The following ITGA5 variants were observed in gnomAD, a reference collection of about 807,000 sequenced individuals.
The protein encoded by ITGA5 is integrin subunit alpha 5, also known as integrin alpha-5.
ITGA5 carries 55 observed loss-of-function variants against 146.3 expected under a neutral mutation model. The ratio of observed to expected loss-of-function variants is 0.38; its 90% CI spans 0.30 to 0.47. The LOEUF is 0.47. ITGA5 is among the 20% of genes least tolerant of loss of function. The pLI is 0.99. For missense variants in ITGA5, 1,131 were observed against 1,329.0 expected (o/e 0.85, Z 2.32); for synonymous variants, 500 against 531.8 (o/e 0.94, Z 0.82).
chr12:54,404,068 C>T, intron 15 of ITGA5, 77 bp downstream of exon 15: 1 of 1,564,404 alleles, frequency 6.4e-7, no homozygotes, highest in East Asian at 2.3e-5. Flanking sequence ...CCACCATTTT[C>T]CCCTTTTTAA....
chr12:54,409,299 G>T lies in ITGA5; in HGVS notation c.516C>A (p.Pro172=). The T allele has an allele frequency of 6.2e-7, 1 of 1,613,968 alleles. No individual in the cohort carries two copies. The highest frequency in any genetic ancestry group is 1.1e-5 in the South Asian group (1 of 91,062). The change falls in exon 4 of 30, where the codon CCC becomes CCA. Residue 172 remains proline (P), a synonymous_variant. Transcript: ENST00000293379. This position sits in a 1 kb window ranked among gnomAD's most constrained non-coding sequence, Gnocchi z 4.7. The part of the protein sequence containing the change: ...WRTEKEPLSD[P]VGTCYLSTDN... ...CTGTGGAGAGGTAGCAGGTGCCCACGGGGTCGCTCAGTGGCTCCTTCTCTG... is the reference window on the plus strand; with the variant it reads ...CTGTGGAGAGGTAGCAGGTGCCCACTGGGTCGCTCAGTGGCTCCTTCTCTG...
chr12:54,409,581 CT>C lies in ITGA5; in HGVS notation c.365del (p.Glu122GlyfsTer48). The C allele has an allele frequency of 6.2e-7, 1 of 1,612,742 alleles. No homozygotes were observed. The highest frequency in any genetic ancestry group is 1.1e-5 in the South Asian group (1 of 91,072). On this transcript the variant is annotated frameshift_variant, in exon 3 of 30. Coordinates refer to ENST00000293379, the MANE Select transcript of ITGA5 (RefSeq NM_002205.5). LOFTEE classifies it high-confidence loss of function. This position sits in a 1 kb window ranked among gnomAD's most constrained non-coding sequence, Gnocchi z 4.7. ...CTCCCTCTGAGCTGGACAGTGAGGA[CT>C]CCAGGAGCCGAGAGCCTTGTGGAAG... ...EFDSKGSRLL[E>X]SSLSSSEGEE...
At chr12:54,400,615 G>C (rs1955773537) in intron 25 of ITGA5, 1 of 499,956 alleles carries the variant, frequency 2.0e-6, no homozygotes, top group Admixed American at 3.6e-5. Flanking sequence ...CTGGGCCCTA[G>C]GGGTATGCCG....
rs552722363 is a variant in ITGA5 at position 54,401,428 on chromosome 12, C to T, written c.2438G>A (p.Arg813Gln). The change falls in exon 24 of 30, where the codon CGA becomes CAA. Residue 813 changes from arginine (R) to glutamine (Q), a missense_variant. Arg to Gln is a conservative substitution (Grantham distance 43). Transcript: ENST00000293379. The surrounding 1 kb of genome is among the most constrained non-coding windows in gnomAD (Gnocchi z 5.0). Reference sequence around the variant, plus strand: ...GTCCTCCTCCTTCTGAGGCTGGTCTCGGGGATGCCAGTCGCTTACTGGGAA... The same window carrying T: ...GTCCTCCTCCTTCTGAGGCTGGTCTTGGGGATGCCAGTCGCTTACTGGGAA... ...VLFPVSDWHP[R>Q]DQPQKEEDLG... The T allele has an allele frequency of 2.5e-5, 40 of 1,614,116 alleles. No individual in the cohort carries two copies. The highest frequency in any genetic ancestry group is 4.5e-5 in the East Asian group (2 of 44,878).
chr12:54,400,672 A>G lies in ITGA5; in HGVS notation c.2643+174T>C, dbSNP rs558356868. ...CAGGCAGAAAGAAACACAGTGGATG[A>G]AAGTCCTTTTTCCTCCAGAGGATTT... On this transcript the variant is annotated intron_variant, in intron 25 of 29. Coordinates refer to ENST00000293379, the MANE Select transcript of ITGA5 (RefSeq NM_002205.5). 35 of 592,244 alleles carry G rather than the reference A, an allele frequency of 5.9e-5. No homozygotes were observed. In the South Asian group the frequency reaches 7.4e-4, roughly 13 times the overall value. The allele number at this position is 592,244 out of a possible 1,614,324, so 36.7% of individuals were successfully genotyped here.
Position 54,401,260 on chromosome 12 carries a change from AC to A in ITGA5, c.2493+112del, listed in dbSNP as rs1955780786. The A allele has an allele frequency of 1.1e-6, 1 of 871,640 alleles. No homozygotes were observed. Among genetic ancestry groups the A allele is most frequent in the East Asian group, 2.4e-5 (1 of 41,224 alleles). The allele number at this position is 871,640 out of a possible 1,614,324, so 54.0% of individuals were successfully genotyped here. ...TGCCTCATGCCTTTGCATATCACTTACTCCTCCCTCCTCTCTTTCTCTCAGT... is the reference window on the plus strand; with the variant it reads ...TGCCTCATGCCTTTGCATATCACTTATCCTCCCTCCTCTCTTTCTCTCAGT... On this transcript the variant is annotated intron_variant, in intron 24 of 29. Transcript: ENST00000293379. The surrounding 1 kb of genome is among the most constrained non-coding windows in gnomAD (Gnocchi z 5.0).
Position 54,405,252 on chromosome 12 carries a change from G to A in ITGA5, c.1139C>T (p.Thr380Ile). 1.2e-6 allele frequency: 2 copies of A among 1,613,884 alleles called. No homozygotes were observed. Among genetic ancestry groups the A allele is most frequent in the Non-Finnish European group, 1.7e-6 (2 of 1,179,872 alleles). The change falls in exon 12 of 30, where the codon ACC becomes ATC. Residue 380 changes from threonine to isoleucine, a missense_variant. Transcript: ENST00000293379. ...CTCATCATGGCCAGTGAGGGTAAGG[G>A]TGGGCGTGGGCTCTATGCCGGCTGG... ...QHPAGIEPTP[T>I]LTLTGHDEFG...
intron 1 of ITGA5, among the ~76,000 whole-genome samples, chr12:54,415,637 G>A (rs1054039371): frequency 6.6e-6 from 1 of 152,122 alleles, no homozygotes; most frequent in Non-Finnish European, 1.5e-5. Context: ...TATCTCCCCA[G>A]CTTTTGATTA....
Position 54,401,599 on chromosome 12 carries a change from C to T in ITGA5, c.2373G>A (p.Gln791=). ...CTGGCACTGACCCGTTCAGGGTGAC[C>T]TGGGCCTGAGCCTCCACGGAGAGCC... is the stretch of plus-strand genomic sequence containing the variant. ...SFRLSVEAQA[Q]VTLNGVSKPE... The change falls in exon 23 of 30, where the codon CAG becomes CAA. Residue 791 remains glutamine (Q), a synonymous_variant. Coordinates refer to ENST00000293379, the MANE Select transcript of ITGA5 (RefSeq NM_002205.5). The surrounding 1 kb of genome is among the most constrained non-coding windows in gnomAD (Gnocchi z 5.0). The T allele has an allele frequency of 1.2e-6, 2 of 1,614,202 alleles. No individual in the cohort carries two copies. Among genetic ancestry groups the T allele is most frequent in the Non-Finnish European group, 1.7e-6 (2 of 1,180,030 alleles).
chr12:54,396,617 A>C, intron 29 of ITGA5, among the ~76,000 whole-genome samples: 1 of 152,170 alleles, frequency 6.6e-6, no homozygotes, highest in Non-Finnish European at 1.5e-5. Context: ...TTCCCCAGTT[A>C]AGCCAGAAAT....
chr12:54,402,378 A>T (rs771775803), intron 19 of ITGA5, 48 bp from the exon 20 acceptor site: 1 of 1,542,718 alleles, frequency 6.5e-7, no homozygotes, highest in Non-Finnish European at 8.9e-7. Flanking sequence ...TAATCCTCAA[A>T]CCAGGACAAA....
chr12:54,396,692 GTTTGTT>G (rs889192053), intron 29 of ITGA5, among the ~76,000 whole-genome samples: 2 of 152,136 alleles, frequency 1.3e-5, no homozygotes, highest in African/African-American at 4.8e-5. Context: ...CTGTTTGTTT[GTTTGTT>G]TTTGAGACAG....
In ITGA5 at chr12:54,397,423, A is replaced by C; in HGVS notation, c.3008T>G (p.Ile1003Ser). 4 of 1,614,148 alleles carry C rather than the reference A, an allele frequency of 2.5e-6. No individual in the cohort carries two copies. The highest frequency in any genetic ancestry group is 3.4e-6 in the Non-Finnish European group (4 of 1,180,014). The change falls in exon 29 of 30, where the codon ATC becomes AGC. Residue 1003 changes from isoleucine (I) to serine (S), a missense_variant. Coordinates refer to ENST00000293379, the MANE Select transcript of ITGA5 (RefSeq NM_002205.5). ...CAGGAGGCCAAACAGGATGGCTAGG[A>C]TGATGATCCACAGTGGGACGCCATA... Reference protein sequence around the residue: ...GSYGVPLWIIILAILFGLLLL... With the variant: ...GSYGVPLWIISLAILFGLLLL...
chr12:54,404,546 G>A (rs1399023153), intron 13 of ITGA5, 71 bp from the exon 14 acceptor site: 2 of 1,571,348 alleles, frequency 1.3e-6, no homozygotes, highest in Non-Finnish European at 1.8e-6. Flanking sequence ...AACCCCTCCT[G>A]GTTTCAACGC....
In ITGA5 at chr12:54,409,878, A is replaced by G. The variant is rs1955919729; in HGVS notation, c.350-281T>C. On this transcript the variant is annotated intron_variant, in intron 2 of 29. Coordinates refer to ENST00000293379, the MANE Select transcript of ITGA5 (RefSeq NM_002205.5). The surrounding 1 kb of genome is among the most constrained non-coding windows in gnomAD (Gnocchi z 4.7). ...ACCTGGGCTTTCTTTTTTTTTTGAG[A>G]TGGAGTCTCACTCTGTCACCCAGGC... The G allele has an allele frequency of 7.0e-6, 2 of 286,024 alleles. No individual in the cohort carries two copies. Among genetic ancestry groups the G allele is most frequent in the Non-Finnish European group, 1.3e-5 (2 of 150,952 alleles). 17.7% of individuals were successfully genotyped at this position (286,024 alleles called of 1,614,324 possible). A position where few individuals can be genotyped will look rare whatever the true frequency, so the allele number is the denominator to read the frequency against.
In ITGA5 at chr12:54,401,275, C is replaced by T; in HGVS notation, c.2493+98G>A. On this transcript the variant is annotated intron_variant, in intron 24 of 29. Coordinates refer to ENST00000293379, the MANE Select transcript of ITGA5 (RefSeq NM_002205.5). The surrounding 1 kb of genome is among the most constrained non-coding windows in gnomAD (Gnocchi z 5.0). The stretch of plus-strand genomic sequence containing the variant: ...CATATCACTTACTCCTCCCTCCTCT[C>T]TTTCTCTCAGTCCCTCACATGGGTT... The T allele has an allele frequency of 1.0e-6, 1 of 957,066 alleles. No individual in the cohort carries two copies. The highest frequency in any genetic ancestry group is 1.8e-5 in the Admixed American group (1 of 56,872). The allele number at this position is 957,066 out of a possible 1,614,324, so 59.3% of individuals were successfully genotyped here. A position where few individuals can be genotyped will look rare whatever the true frequency, so the allele number is the denominator to read the frequency against.
At chr12:54,417,875 G>T (rs901332728) in intron 1 of ITGA5, among the ~76,000 whole-genome samples, 1 of 152,036 alleles carries the variant, frequency 6.6e-6, no homozygotes, top group African/African-American at 2.4e-5. Flanking sequence ...CAATCTCCCC[G>T]CCATCCCACA....
At chr12:54,418,625 C>A (rs1956038253) in intron 1 of ITGA5, among the ~76,000 whole-genome samples, 1 of 151,666 alleles carries the variant, frequency 6.6e-6, no homozygotes, top group African/African-American at 2.4e-5. Flanking sequence ...CCCCCACCCG[C>A]CCCAGGTCCC....
chr12:54,408,543 T>C (rs1044131803), intron 6 of ITGA5, among the ~76,000 whole-genome samples: 1 of 151,874 alleles, frequency 6.6e-6, no homozygotes, highest in Non-Finnish European at 1.5e-5. Flanking sequence ...CTGGCCAAGA[T>C]GGTGAAACCC....
Sources: gnomAD v4.1 joint callset for allele counts (sites outside exome capture counted in the v4.1 genomes callset) on GRCh38, gnomAD v4.1.1 for gene constraint, Gnocchi (gnomAD v3.1) non-coding constraint, MANE v1.5 for transcripts, NCBI Gene and HGNC (gene_info 2026-07-23, HGNC 2026-07-21) for gene names.